Variants in CDK13 observed in about 807,000 individuals in gnomAD.
The protein encoded by CDK13 is cyclin-dependent kinase 13.
Under a neutral mutation model 137.6 loss-of-function variants are expected in CDK13, and 40 were observed. The ratio of observed to expected loss-of-function variants is 0.29; its 90% CI spans 0.23 to 0.38. The LOEUF (loss-of-function observed/expected upper bound fraction) is 0.38. CDK13 is among the 10% of genes least tolerant of loss of function. The probability of loss-of-function intolerance (pLI) is 1.00; values close to 1 mark genes in which losing one functional copy is unlikely to be tolerated. For synonymous variants in CDK13, 869 were observed against 760.1 expected (o/e 1.14, Z -2.36); for missense variants, 1,704 against 1,951.8 (o/e 0.87, Z 2.39).
intron 5 of CDK13, among the ~76,000 whole-genome samples, chr7:40,043,355 G>A (rs1312258000): frequency 6.6e-6 from 1 of 152,100 alleles, no homozygotes; most frequent in East Asian, 1.9e-4. Flanking sequence ...GTATGACACA[G>A]GTCAGATTAA....
intron 13 of CDK13, among the ~76,000 whole-genome samples, chr7:40,093,457 G>T (rs17496770): frequency 3.2e-4 from 49 of 152,166 alleles, no homozygotes; most frequent in African/African-American, 1.1e-3. Context: ...GAATGATAAA[G>T]ATATTTCTAA....
intron 5 of CDK13, among the ~76,000 whole-genome samples, chr7:40,044,435 C>G (rs905570323): frequency 6.6e-6 from 1 of 151,760 alleles, no homozygotes; most frequent in African/African-American, 2.4e-5. Context: ...CCTCCTACTT[C>G]AGTCCCCCGA....
rs1223447697 is a variant in CDK13, at chr7:39,951,456, A to G, written c.815A>G (p.Lys272Arg). 6.5e-7 allele frequency: 1 copy of G among 1,538,594 alleles called. No individual in the cohort carries two copies. The highest frequency in any genetic ancestry group is 1.4e-5 in the African/African-American group (1 of 71,646). Residue 272 changes from lysine (K) to arginine (R), a missense_variant, in exon 1 of 14, where the codon AAG becomes AGG. Lys to Arg is a conservative substitution (Grantham distance 26, BLOSUM62 2). Around this residue, in one of 5 missense-constraint regions of CDK13, gnomAD observed 1,051 missense variants for 931.0 expected, o/e 1.13. Transcript: ENST00000181839. ...ACATCCAGCAGCAGTAGCAGCCGCA[A>G]GGACCGGGACTCGAAGGCCCACCGC... ...SATSSSSSSR[K>R]DRDSKAHRSR...
intron 3 of CDK13, chr7:39,999,003 A>G (rs1053756030): frequency 6.3e-6 from 1 of 159,638 alleles, no homozygotes; most frequent in Non-Finnish European, 1.4e-5. Context: ...TGGATGCAAA[A>G]TAAAACTTTC....
At chr7:40,084,796 A>G (rs1459967855) in intron 11 of CDK13, among the ~76,000 whole-genome samples, 1 of 152,182 alleles carries the variant, frequency 6.6e-6, no homozygotes, top group Non-Finnish European at 1.5e-5. Context: ...ATACAGTACT[A>G]CCCCATGAGG....
intron 5 of CDK13, chr7:40,002,248 A>G (rs1296962401): frequency 2.8e-6 from 1 of 361,112 alleles, no homozygotes; most frequent in African/African-American, 2.1e-5. Context: ...TATTACACAT[A>G]AAGTATTCAC....
Position 40,014,058 on chromosome 7 carries a change from C to CTTTTT in CDK13, c.2353+12050_2353+12054dup, listed in dbSNP as rs927741062. On this transcript the variant is annotated intron_variant, in intron 5 of 13. Coordinates refer to ENST00000181839, the MANE Select transcript of CDK13 (RefSeq NM_003718.5). The stretch of plus-strand genomic sequence containing the variant: ...TGATAGGCAAAAAATGCTGTCTTGT[C>CTTTTT]TTTTTTTTTTTTTTTTTTTTTTTTT... Among the ~76,000 whole-genome samples the CTTTTT allele has an allele frequency of 9.0e-4, 55 of 60,942 alleles. 1 individual carries two copies. Among genetic ancestry groups the CTTTTT allele is most frequent in the Middle Eastern group, 0.013 (1 of 80 alleles). 40.0% of individuals were successfully genotyped at this position (60,942 alleles called of 152,430 possible).
rs1787032520 is a variant in CDK13, at chr7:40,095,688, G to C, written c.*708G>C. ...GGAAAGTAAGTGCCTTAACAGGTAA[G>C]CTTAAGGTCTGAAAAAAATAGTTAA... On this transcript the variant is annotated 3_prime_UTR_variant, in exon 14 of 14. Coordinates refer to ENST00000181839, the MANE Select transcript of CDK13 (RefSeq NM_003718.5). 1 of 152,122 alleles carries C rather than the reference G, an allele frequency of 6.6e-6. No homozygotes were observed. Among genetic ancestry groups the C allele is most frequent in the African/African-American group, 2.4e-5 (1 of 41,408 alleles). 9.4% of individuals were successfully genotyped at this position (152,122 alleles called of 1,614,324 possible). A position where few individuals can be genotyped will look rare whatever the true frequency, so the allele number is the denominator to read the frequency against.
intron 1 of CDK13, among the ~76,000 whole-genome samples, chr7:39,972,032 C>G (rs1302513568): frequency 1.3e-5 from 2 of 152,226 alleles, no homozygotes; most frequent in South Asian, 2.1e-4. Context: ...TTGTGCATGT[C>G]AAGTACTGAG....
At chr7:39,990,272 C>T (rs1045987849) in intron 2 of CDK13, among the ~76,000 whole-genome samples, 1 of 151,016 alleles carries the variant, frequency 6.6e-6, no homozygotes, top group African/African-American at 2.4e-5. Context: ...CTCTCCTTTT[C>T]CCCCTTTTTG....
Position 39,999,344 on chromosome 7 carries a change from AG to A in CDK13, c.2043-16del, listed in dbSNP as rs1208518657. On this transcript the variant is annotated splice_polypyrimidine_tract_variant and intron_variant, in intron 3 of 13. Transcript: ENST00000181839. ...TTGCTTGATTGTATATAAAAACTTT[AG>A]AACTATATTTGATAGAATATGTGGG... The A allele has an allele frequency of 1.9e-6, 3 of 1,587,498 alleles. No homozygotes were observed. In the African/African-American group the frequency reaches 4.1e-5, roughly 22 times the overall value.
At chr7:39,988,324 A>C (rs1391501646) in intron 2 of CDK13, 66 bp downstream of exon 2, 1 of 1,293,034 alleles carries the variant, frequency 7.7e-7, no homozygotes. Context: ...GTGAGAAATG[A>C]GTTGACCTCC....
At chr7:39,976,667 A>G (rs1583933021) in intron 1 of CDK13, among the ~76,000 whole-genome samples, 1 of 152,136 alleles carries the variant, frequency 6.6e-6, no homozygotes, top group Non-Finnish European at 1.5e-5. Flanking sequence ...TTTTCTATAC[A>G]TACATACCTG....
At chr7:40,093,443 T>C (rs1355385736) in intron 13 of CDK13, among the ~76,000 whole-genome samples, 3 of 152,202 alleles carry the variant, frequency 2.0e-5, no homozygotes, top group African/African-American at 7.2e-5. Context: ...ATAGAACTCA[T>C]TGTGAATGAT....
chr7:40,053,765 T>TG (rs1009304357), intron 7 of CDK13, among the ~76,000 whole-genome samples: 155 of 152,120 alleles, frequency 1.0e-3, no homozygotes, highest in African/African-American at 3.4e-3. Context: ...TTCTTTTTTT[T>TG]TTTTAAGAAA....
At chr7:40,041,767 A>C (rs1214980049) in intron 5 of CDK13, among the ~76,000 whole-genome samples, 1 of 145,532 alleles carries the variant, frequency 6.9e-6, no homozygotes, top group East Asian at 1.9e-4. Context: ...CAATAATTAC[A>C]TCTCTACAAC....
At chr7:40,019,679 A>G (rs551764007) in intron 5 of CDK13, among the ~76,000 whole-genome samples, 1 of 152,222 alleles carries the variant, frequency 6.6e-6, no homozygotes, top group East Asian at 1.9e-4. Flanking sequence ...TGACCAAGCA[A>G]CTGGGCACTA....
At chr7:39,960,489 C>G (rs1273075153) in intron 1 of CDK13, among the ~76,000 whole-genome samples, 5 of 152,014 alleles carry the variant, frequency 3.3e-5, no homozygotes, top group African/African-American at 9.7e-5. Flanking sequence ...AATCTCCTGA[C>G]CTCGTGATCC....
At chr7:39,967,555 A>G (rs974857145) in intron 1 of CDK13, among the ~76,000 whole-genome samples, 1 of 152,148 alleles carries the variant, frequency 6.6e-6, no homozygotes, top group African/African-American at 2.4e-5. Flanking sequence ...TGCAATGAAC[A>G]TGGGAGTGGA....
Sources: allele counts gnomAD v4.1 joint callset (sites outside exome capture counted in the v4.1 genomes callset), GRCh38; gene constraint gnomAD v4.1.1; regional missense constraint gnomAD v4.1.1; transcripts MANE v1.5; gene names NCBI Gene and HGNC (gene_info 2026-07-23, HGNC 2026-07-21).